Variants in RAPH1 observed in about 807,000 individuals in gnomAD.
The protein encoded by RAPH1 is Ras association (RalGDS/AF-6) and pleckstrin homology domains 1.
In RAPH1, 18 loss-of-function variants were observed where a neutral mutation model predicts 88.1. That is an observed-to-expected ratio of 0.20 (90% CI 0.14 to 0.30). The LOEUF is 0.30. Ranked by LOEUF, RAPH1 falls within the 10% of genes least tolerant of loss-of-function variation. The pLI, the probability that RAPH1 is intolerant of heterozygous loss-of-function variation, is 1.00. For synonymous variants in RAPH1, 587 were observed against 559.0 expected, an observed-to-expected ratio of 1.05 and a Z score of -0.71; for missense variants, 1,448 against 1,543.2, an observed-to-expected ratio of 0.94 and a Z score of 1.03.
intron 1 of RAPH1, among the ~76,000 whole-genome samples, chr2:203,525,134 G>A (rs1239036531): frequency 6.6e-6 from 1 of 152,178 alleles, no homozygotes; most frequent in East Asian, 1.9e-4. Flanking sequence ...ACTAGAAGCA[G>A]CCCAGTTGCC....
At chr2:203,478,653 C>CTA (rs1687586019) in intron 4 of RAPH1, among the ~76,000 whole-genome samples, 2 of 152,094 alleles carry the variant, frequency 1.3e-5, no homozygotes, top group South Asian at 4.1e-4. Context: ...CCGCACCTGG[C>CTA]TAGTTTTGTA....
At position 203,440,196 on chromosome 2, in the gene RAPH1, G is replaced by A. The variant is rs754969969; in HGVS notation, c.2994C>T (p.Asp998=). 3 of 1,613,922 alleles carry A rather than the reference G, an allele frequency of 1.9e-6. No homozygotes were observed. The highest frequency in any genetic ancestry group is 1.7e-5 in the Admixed American group (1 of 60,030). The change falls in exon 14 of 14, where the codon GAC becomes GAT. Residue 998 remains aspartate (D), a synonymous_variant. Coordinates refer to ENST00000319170, the MANE Select transcript of RAPH1 (RefSeq NM_213589.3). ...EHPEPKRPSV[D]SLVSKFTPPA... ...GCGGTGTAAACTTGCTGACTAGACT[G>A]TCCACCGAGGGTCTCTTGGGCTCGG...
intron 1 of RAPH1, among the ~76,000 whole-genome samples, chr2:203,529,664 A>G (rs1690301126): frequency 6.6e-6 from 1 of 152,186 alleles, no homozygotes; most frequent in South Asian, 2.1e-4. Flanking sequence ...CACCCGGCCA[A>G]AGTTTTAAAT....
intron 1 of RAPH1, among the ~76,000 whole-genome samples, chr2:203,506,853 T>G (rs1484511162): frequency 7.5e-5 from 3 of 40,138 alleles, no homozygotes; most frequent in African/African-American, 1.7e-4. Flanking sequence ...TATCTATCTA[T>G]ATCTATATAT....
chr2:203,470,623 C>A (rs2098532223), intron 4 of RAPH1, among the ~76,000 whole-genome samples: 1 of 152,324 alleles, frequency 6.6e-6, no homozygotes, highest in East Asian at 1.9e-4. Flanking sequence ...TAGGCCAATG[C>A]TCATGAATGC....
In RAPH1 at chr2:203,439,805, C is replaced by T; in HGVS notation, c.3385G>A (p.Asp1129Asn). 1.9e-6 allele frequency: 3 copies of T among 1,614,082 alleles called. No individual in the cohort carries two copies. The highest frequency in any genetic ancestry group is 2.5e-6 in the Non-Finnish European group (3 of 1,180,018). The stretch of plus-strand genomic sequence containing the variant: ...TCAGCTTGAGTGAGGCGGGTGCTAT[C>T]ATTCCGTTTGGGTCGTGTGGGTGGA... ...APPPTRPKRNDSTRLTQAEIS... is the reference protein window; with the variant it reads ...APPPTRPKRNNSTRLTQAEIS... Residue 1129 changes from aspartate to asparagine, a missense_variant, in exon 14 of 14, where the codon GAT becomes AAT. Transcript: ENST00000319170.
intron 1 of RAPH1, among the ~76,000 whole-genome samples, chr2:203,509,724 T>C (rs993369721): frequency 2.6e-5 from 4 of 152,202 alleles, no homozygotes; most frequent in Admixed American, 6.5e-5. Context: ...TAATCCCTAA[T>C]GTTGGAGGTG....
intron 1 of RAPH1, among the ~76,000 whole-genome samples, chr2:203,521,983 G>T (rs189427635): frequency 1.3e-5 from 2 of 152,188 alleles, no homozygotes; most frequent in East Asian, 3.9e-4. Context: ...ACTACAAAAT[G>T]CAAACTCAAA....
chr2:203,530,924 T>C (rs940656740), intron 1 of RAPH1, among the ~76,000 whole-genome samples: 1 of 151,788 alleles, frequency 6.6e-6, no homozygotes, highest in African/African-American at 2.4e-5. Flanking sequence ...CACACATGCA[T>C]ACATATAAAT....
At chr2:203,458,511 G>T (rs892779203) in intron 7 of RAPH1, among the ~76,000 whole-genome samples, 1 of 151,954 alleles carries the variant, frequency 6.6e-6, no homozygotes, top group Non-Finnish European at 1.5e-5. Context: ...ATAAAAATGG[G>T]GTCACATTTG....
intron 4 of RAPH1, among the ~76,000 whole-genome samples, chr2:203,487,117 A>T (rs534247592): frequency 6.6e-6 from 1 of 152,312 alleles, no homozygotes; most frequent in African/African-American, 2.4e-5. Context: ...CACATTTTAC[A>T]GACAGAAAGA....
chr2:203,467,410 G>T (rs768709336), intron 4 of RAPH1, among the ~76,000 whole-genome samples: 13 of 151,114 alleles, frequency 8.6e-5, no homozygotes, highest in Non-Finnish European at 1.9e-4. Context: ...AGCCATGATA[G>T]CGAAACCCCG....
intron 1 of RAPH1, among the ~76,000 whole-genome samples, chr2:203,507,316 CACT>C (rs953960018): frequency 7.2e-5 from 11 of 152,142 alleles, no homozygotes; most frequent in South Asian, 2.1e-4. Flanking sequence ...ATTTTGCAAC[CACT>C]GTTATAATTA....
chr2:203,506,820 C>CTATATATATCTA (rs1559494557), intron 1 of RAPH1, among the ~76,000 whole-genome samples: 2 of 70,658 alleles, frequency 2.8e-5, no homozygotes, highest in South Asian at 4.4e-4. Flanking sequence ...ATCTATATAT[C>CTATATATATCTA]TATATATATA....
chr2:203,456,090 C>T (rs2098519307), intron 8 of RAPH1, among the ~76,000 whole-genome samples: 1 of 152,180 alleles, frequency 6.6e-6, no homozygotes, highest in South Asian at 2.1e-4. Flanking sequence ...TTTGGAACTA[C>T]TATGGCAATC....
intron 4 of RAPH1, among the ~76,000 whole-genome samples, chr2:203,462,465 T>C (rs913508431): frequency 2.0e-5 from 3 of 152,192 alleles, no homozygotes; most frequent in African/African-American, 7.2e-5. Flanking sequence ...GTAGGTACAA[T>C]CTCATTAGTA....
intron 1 of RAPH1, among the ~76,000 whole-genome samples, chr2:203,510,944 A>T (rs1047768510): frequency 7.9e-5 from 12 of 152,062 alleles, no homozygotes; most frequent in Non-Finnish European, 1.6e-4. Context: ...ATCTCAATTT[A>T]AAAAAAACTA....
chr2:203,470,309 G>C (rs752316544), intron 4 of RAPH1: 3 of 1,605,512 alleles, frequency 1.9e-6, no homozygotes, highest in African/African-American at 1.3e-5. Flanking sequence ...GTCCAGATAG[G>C]AGTGCTTGTT....
At chr2:203,473,605 C>T (rs1298493952) in intron 4 of RAPH1, among the ~76,000 whole-genome samples, 1 of 152,010 alleles carries the variant, frequency 6.6e-6, no homozygotes, top group African/African-American at 2.4e-5. Flanking sequence ...TTGTGGGTTG[C>T]TCTGCTATGG....
Sources: allele counts gnomAD v4.1 joint callset (sites outside exome capture counted in the v4.1 genomes callset), GRCh38; gene constraint gnomAD v4.1.1; transcripts MANE v1.5; gene names NCBI Gene and HGNC (gene_info 2026-07-23, HGNC 2026-07-21).